Variants in GSAP observed in about 807,000 individuals in gnomAD.
The protein encoded by GSAP is gamma-secretase-activating protein.
Under a neutral mutation model 131.7 loss-of-function variants are expected in GSAP, and 118 were observed. That is an observed-to-expected ratio of 0.90 (90% CI 0.77 to 1.04). The LOEUF (loss-of-function observed/expected upper bound fraction) is 1.04. GSAP is among the 50% of genes least tolerant of loss of function. The pLI is 0.00. For synonymous variants in GSAP, 381 were observed against 363.4 expected, an observed-to-expected ratio of 1.05 and a Z score of -0.55; for missense variants, 1,019 against 1,013.2, an observed-to-expected ratio of 1.01 and a Z score of -0.08.
At chr7:77,411,765 T>C (rs2151219479) in intron 1 of GSAP, among the ~76,000 whole-genome samples, 1 of 150,358 alleles carries the variant, frequency 6.7e-6, no homozygotes, top group Non-Finnish European at 1.5e-5. Context: ...ACAAGCAGAT[T>C]CAAAAATATA....
At chr7:77,338,366 T>C (rs2150739658) in intron 19 of GSAP, among the ~76,000 whole-genome samples, 1 of 152,330 alleles carries the variant, frequency 6.6e-6, no homozygotes, top group East Asian at 1.9e-4. Context: ...GTTTTTAAAA[T>C]GACTTTGAGA....
At position 77,360,905 on chromosome 7, in the gene GSAP, CA is replaced by C; in HGVS notation, c.950-5del. 6.4e-7 allele frequency: 1 copy of C among 1,561,984 alleles called. No individual in the cohort carries two copies. Among genetic ancestry groups the C allele is most frequent in the Non-Finnish European group, 8.8e-7 (1 of 1,133,282 alleles). On this transcript the variant is annotated splice_polypyrimidine_tract_variant and splice_region_variant and intron_variant, in intron 13 of 30. Coordinates refer to ENST00000257626, the MANE Select transcript of GSAP (RefSeq NM_017439.4). The stretch of plus-strand genomic sequence containing the variant: ...GTGGTGAAGGTCTTGCTGTGTCCTG[CA>C]AAGAGAGAATATGAAGCCAGAGAAT...
intron 18 of GSAP, chr7:77,351,026 G>A (rs1022192652): frequency 1.4e-5 from 9 of 630,468 alleles, no homozygotes; most frequent in African/African-American, 9.9e-5. Flanking sequence ...GAGATGTAAT[G>A]TAGAAATAAA....
At chr7:77,340,694 G>A (rs544478737) in intron 19 of GSAP, among the ~76,000 whole-genome samples, 11 of 152,254 alleles carry the variant, frequency 7.2e-5, no homozygotes, top group African/African-American at 1.7e-4. Context: ...GTGTTTAATC[G>A]CTGCGGGGAC....
intron 5 of GSAP, among the ~76,000 whole-genome samples, chr7:77,390,135 TG>T (rs1451878584): frequency 5.9e-5 from 9 of 152,218 alleles, no homozygotes; most frequent in African/African-American, 1.9e-4. Context: ...TGGGGTTGTT[TG>T]TTTTCTCTTG....
chr7:77,312,232 A>ACT, intron 28 of GSAP, 30 bp from the exon 29 acceptor site: 1 of 1,085,716 alleles, frequency 9.2e-7, no homozygotes, highest in Non-Finnish European at 1.4e-6. Flanking sequence ...AAATGTAGCG[A>ACT]ATACCACACA....
At chr7:77,409,025 G>A (rs1162775202) in intron 1 of GSAP, among the ~76,000 whole-genome samples, 1 of 152,144 alleles carries the variant, frequency 6.6e-6, no homozygotes, top group African/African-American at 2.4e-5. Flanking sequence ...GCAGCTTAGT[G>A]GGTCTCCTAG....
At chr7:77,352,922 A>G in intron 18 of GSAP, 22 bp downstream of exon 18, 1 of 1,341,054 alleles carries the variant, frequency 7.5e-7, no homozygotes, top group Non-Finnish European at 1.1e-6. Context: ...ATTTGCATAC[A>G]GCATACACAG....
At chr7:77,323,836 A>G (rs1189232015) in intron 23 of GSAP, 94 bp from the exon 24 acceptor site, 1 of 546,596 alleles carries the variant, frequency 1.8e-6, no homozygotes, top group African/African-American at 2.0e-5. Flanking sequence ...TTCTTCATCA[A>G]TATAAAAAAT....
intron 18 of GSAP, chr7:77,351,148 C>A (rs1411925108): frequency 8.2e-6 from 8 of 979,826 alleles, no homozygotes; most frequent in Non-Finnish European, 9.7e-6. Context: ...ATGCAAACAA[C>A]TAAGTTCTTC....
chr7:77,397,939 T>C (rs998879854), intron 3 of GSAP, among the ~76,000 whole-genome samples: 8 of 152,210 alleles, frequency 5.3e-5, no homozygotes, highest in Admixed American at 3.3e-4. Flanking sequence ...GCATCTCCCA[T>C]AGGCCTTTCA....
intron 21 of GSAP, among the ~76,000 whole-genome samples, 178 bp downstream of exon 21, chr7:77,329,155 A>C (rs570152436): frequency 4.6e-5 from 7 of 152,326 alleles, no homozygotes; most frequent in African/African-American, 1.7e-4. Context: ...TCCCACCAGA[A>C]ATTCCAGCAC....
intron 5 of GSAP, among the ~76,000 whole-genome samples, chr7:77,388,373 C>T (rs1054111708): frequency 4.6e-5 from 7 of 152,220 alleles, no homozygotes; most frequent in Admixed American, 3.3e-4. Flanking sequence ...CTGACAGTAT[C>T]TATCATTAGG....
intron 22 of GSAP, 187 bp from the exon 23 acceptor site, chr7:77,326,460 G>T (rs1329814575): frequency 2.0e-5 from 10 of 489,378 alleles, no homozygotes; most frequent in Non-Finnish European, 2.9e-5. Context: ...TGTGAAACAG[G>T]GAATGACCGA....
chr7:77,395,154 C>T (rs1381892839), intron 5 of GSAP, among the ~76,000 whole-genome samples: 1 of 150,130 alleles, frequency 6.7e-6, no homozygotes, highest in Non-Finnish European at 1.5e-5. Context: ...GACAGTCAGG[C>T]ATAGATGGTG....
chr7:77,406,938 T>C (rs1034710379), intron 1 of GSAP, among the ~76,000 whole-genome samples: 3 of 152,182 alleles, frequency 2.0e-5, no homozygotes, highest in African/African-American at 7.2e-5. Flanking sequence ...CTGAGAAAGG[T>C]CTCTGCTAAA....
chr7:77,347,864 A>C (rs1377834935), intron 19 of GSAP, among the ~76,000 whole-genome samples: 1 of 152,066 alleles, frequency 6.6e-6, no homozygotes, highest in Non-Finnish European at 1.5e-5. Context: ...TCCATTAAAA[A>C]ATTATGGTCC....
At position 77,330,226 on chromosome 7, in the gene GSAP, G is replaced by T; in HGVS notation, c.1674+13C>A. ...CCTCGCTGCTGGCTTTGTTCTCACT[G>T]ACCCACTCATACCTCTTCAGAGATC... On this transcript the variant is annotated intron_variant, in intron 20 of 30. Transcript: ENST00000257626. 2 of 1,606,050 alleles carry T rather than the reference G, an allele frequency of 1.2e-6. No individual in the cohort carries two copies. The highest frequency in any genetic ancestry group is 2.2e-5 in the South Asian group (2 of 89,818).
chr7:77,377,428 A>G (rs1797116703), intron 8 of GSAP, 38 bp from the exon 9 acceptor site: 1 of 1,493,218 alleles, frequency 6.7e-7, no homozygotes, highest in Non-Finnish European at 9.0e-7. Context: ...AAAAAGTATG[A>G]ATAACTTTTA....
Sources: gnomAD v4.1 joint callset for allele counts (sites outside exome capture counted in the v4.1 genomes callset) on GRCh38, gnomAD v4.1.1 for gene constraint, MANE v1.5 for transcripts, NCBI Gene and HGNC (gene_info 2026-07-23, HGNC 2026-07-21) for gene names.